The following SYNE1 variants were observed in gnomAD, a reference collection of about 807,000 sequenced individuals.
SYNE1 encodes the protein nesprin-1.
A neutral mutation model predicts 1,111.0 loss-of-function variants in SYNE1; 616 were observed. The ratio of observed to expected loss-of-function variants is 0.55; its 90% CI spans 0.52 to 0.59. The LOEUF is 0.59. SYNE1 is among the 20% of genes least tolerant of loss of function. The probability of loss-of-function intolerance (pLI) is 0.00; values close to 1 mark genes in which losing one functional copy is unlikely to be tolerated. For synonymous variants in SYNE1, 3,855 were observed against 3,825.8 expected (o/e 1.01, Z -0.28); for missense variants, 10,006 against 10,417.0 (o/e 0.96, Z 1.72).
intron 8 of SYNE1, among the ~76,000 whole-genome samples, chr6:152,505,930 T>G (rs1564517357): frequency 6.6e-6 from 1 of 152,250 alleles, no homozygotes; most frequent in Non-Finnish European, 1.5e-5. Context: ...TCAAATGCAG[T>G]AGAATAGACA....
At chr6:152,188,135 G>A (rs772324973) in intron 128 of SYNE1, among the ~76,000 whole-genome samples, 2 of 152,152 alleles carry the variant, frequency 1.3e-5, no homozygotes, top group Non-Finnish European at 2.9e-5. Flanking sequence ...TAAACTTGAC[G>A]ATAGGGACAT....
intron 122 of SYNE1, among the ~76,000 whole-genome samples, chr6:152,214,542 A>G (rs982478381): frequency 1.3e-5 from 2 of 152,256 alleles, no homozygotes; most frequent in African/African-American, 4.8e-5. Flanking sequence ...ATTCTGAGGC[A>G]GAGCCTTTAC....
chr6:152,592,940 C>T (rs938954168), intron 3 of SYNE1, among the ~76,000 whole-genome samples: 3 of 152,140 alleles, frequency 2.0e-5, no homozygotes, highest in Non-Finnish European at 4.4e-5. Context: ...AGCAGCCTGG[C>T]TGGGGCAGTT....
intron 4 of SYNE1, among the ~76,000 whole-genome samples, chr6:152,539,400 T>A (rs1446865537): frequency 6.6e-6 from 1 of 152,190 alleles, no homozygotes; most frequent in Non-Finnish European, 1.5e-5. Context: ...TATATTAGCA[T>A]TTATGTTCAA....
intron 10 of SYNE1, among the ~76,000 whole-genome samples, chr6:152,500,631 T>C (rs1360963659): frequency 2.0e-5 from 3 of 152,158 alleles, no homozygotes; most frequent in Non-Finnish European, 4.4e-5. Flanking sequence ...CTTTTTCTTC[T>C]TTATATATGT....
chr6:152,143,687 G>A lies in SYNE1; in HGVS notation c.25055C>T (p.Thr8352Ile), dbSNP rs1382721856. ...LDDSRFQIQQ[T>I]ENIIRSKTPT... ...AGTTTTGCTGCGAATGATATTTTCG[G>A]TTTGCTGTATCTGAAAACGGCTATC... Residue 8352 changes from threonine (T) to isoleucine (I), a missense_variant, in exon 138 of 146, where the codon ACC becomes ATC. Physicochemically the swap from Thr to Ile is moderately conservative, Grantham distance 89. This residue lies in a region of SYNE1 where 761 missense variants were observed against 795.5 expected (regional missense o/e 0.96). Coordinates refer to ENST00000367255, the MANE Select transcript of SYNE1 (RefSeq NM_182961.4). The A allele has an allele frequency of 1.2e-6, 2 of 1,614,188 alleles. No individual in the cohort carries two copies. The highest frequency in any genetic ancestry group is 1.1e-5 in the South Asian group (1 of 91,084).
chr6:152,238,399 C>G (rs1216884143), intron 108 of SYNE1, among the ~76,000 whole-genome samples: 1 of 152,112 alleles, frequency 6.6e-6, no homozygotes, highest in East Asian at 1.9e-4. Context: ...GAGATGGATT[C>G]ATGTAAATGT....
At position 152,381,070 on chromosome 6, in the gene SYNE1, T is replaced by C; in HGVS notation, c.8945A>G (p.Gln2982Arg). ...FSALLKTWAQ[Q>R]LTLLEGKNTD... ...GTTCTTGCCTTCCAGGAGGGTTAACTGCTGAGCCCAGGTTTTCAGAAGGGC... is the reference window on the plus strand; with the variant it reads ...GTTCTTGCCTTCCAGGAGGGTTAACCGCTGAGCCCAGGTTTTCAGAAGGGC... Residue 2982 changes from glutamine (Q) to arginine (R), a missense_variant, in exon 56 of 146, where the codon CAG (glutamine) becomes CGG (arginine). Physicochemically the swap from Gln to Arg is conservative, Grantham distance 43 (BLOSUM62 1). Transcript: ENST00000367255. 6.2e-7 allele frequency: 1 copy of C among 1,614,184 alleles called. No individual in the cohort carries two copies. Among genetic ancestry groups the C allele is most frequent in the Non-Finnish European group, 8.5e-7 (1 of 1,180,004 alleles).
chr6:152,575,282 C>G (rs1297808209), intron 3 of SYNE1, among the ~76,000 whole-genome samples: 1 of 152,174 alleles, frequency 6.6e-6, no homozygotes, highest in African/African-American at 2.4e-5. Flanking sequence ...ATTTAGTGGT[C>G]TGGGCTGAAT....
intron 32 of SYNE1, among the ~76,000 whole-genome samples, chr6:152,439,420 G>A (rs945539526): frequency 6.6e-6 from 1 of 152,096 alleles, no homozygotes; most frequent in Non-Finnish European, 1.5e-5. Context: ...AATAGAGATG[G>A]GGTATTGCTA....
In SYNE1 at chr6:152,442,066, G is replaced by A. The variant is rs1408325044; in HGVS notation, c.4008+9C>T. On this transcript the variant is annotated intron_variant, in intron 31 of 145. Coordinates refer to ENST00000367255, the MANE Select transcript of SYNE1 (RefSeq NM_182961.4). ...TCTGTTTAAATGGCCCCTAACTTCCGGCTCCTACCTGGATGCGGCGTTCCT... is the reference window on the plus strand; with the variant it reads ...TCTGTTTAAATGGCCCCTAACTTCCAGCTCCTACCTGGATGCGGCGTTCCT... 5.0e-6 allele frequency: 8 copies of A among 1,613,862 alleles called. No homozygotes were observed. Among genetic ancestry groups the A allele is most frequent in the South Asian group, 3.3e-5 (3 of 91,082 alleles).
At chr6:152,349,413 T>C (rs7759329) in intron 72 of SYNE1, among the ~76,000 whole-genome samples, 4,641 of 152,288 alleles carry the variant, frequency 0.03, 261 homozygotes, top group African/African-American at 0.11. Context: ...ATTGTTATCA[T>C]CCTAAAGGAG....
At chr6:152,508,878 A>C (rs1173719271) in intron 8 of SYNE1, among the ~76,000 whole-genome samples, 1 of 152,270 alleles carries the variant, frequency 6.6e-6, no homozygotes, top group Non-Finnish European at 1.5e-5. Context: ...AAAGTTAAAC[A>C]AAACAACATA....
chr6:152,628,824 T>C (rs2099691576), intron 2 of SYNE1, among the ~76,000 whole-genome samples: 1 of 152,230 alleles, frequency 6.6e-6, no homozygotes, highest in East Asian at 1.9e-4. Context: ...ATGTTTTCTT[T>C]TTAAACTATC....
chr6:152,280,978 C>A (rs754955801), intron 97 of SYNE1, among the ~76,000 whole-genome samples: 1 of 151,956 alleles, frequency 6.6e-6, no homozygotes, highest in East Asian at 1.9e-4. Flanking sequence ...TTAGTGTGCA[C>A]TAAGTAATGA....
At chr6:152,627,504 A>AC in intron 3 of SYNE1, among the ~76,000 whole-genome samples, 1 of 151,384 alleles carries the variant, frequency 6.6e-6, no homozygotes, top group African/African-American at 2.4e-5. Context: ...AAAAAAAAAA[A>AC]AAAATTAGCC....
intron 126 of SYNE1, among the ~76,000 whole-genome samples, chr6:152,204,161 T>A (rs2076051524): frequency 1.3e-5 from 2 of 152,014 alleles, no homozygotes; most frequent in African/African-American, 4.8e-5. Flanking sequence ...AGCCAGGAGT[T>A]CGAGACCAGC....
chr6:152,324,378 G>A (rs918974984), intron 81 of SYNE1, among the ~76,000 whole-genome samples: 14 of 152,138 alleles, frequency 9.2e-5, no homozygotes, highest in African/African-American at 2.9e-4. Flanking sequence ...TAGCCTGGGC[G>A]ACAGAGCAAG....
At chr6:152,440,170 T>C (rs1238999749) in intron 32 of SYNE1, among the ~76,000 whole-genome samples, 4 of 152,274 alleles carry the variant, frequency 2.6e-5, no homozygotes, top group African/African-American at 7.2e-5. Flanking sequence ...ACCGCCCTTA[T>C]TTATGCCCAT....
Sources: gnomAD v4.1 joint callset for allele counts (sites outside exome capture counted in the v4.1 genomes callset) on GRCh38, gnomAD v4.1.1 for gene constraint, gnomAD v4.1.1 regional missense constraint, MANE v1.5 for transcripts, NCBI Gene and HGNC (gene_info 2026-07-23, HGNC 2026-07-21) for gene names.